PDE10A: variants seen among roughly 807,000 people sequenced by gnomAD.
PDE10A encodes the protein cAMP and cAMP-inhibited cGMP 3',5'-cyclic phosphodiesterase 10A.
A neutral mutation model predicts 97.7 loss-of-function variants in PDE10A; 39 were observed. That is an observed-to-expected ratio of 0.40 (90% CI 0.31 to 0.52). PDE10A has a LOEUF of 0.52. Ranked by LOEUF, PDE10A falls within the 20% of genes least tolerant of loss-of-function variation. The pLI is 0.56. For missense variants in PDE10A, 731 were observed against 1,047.8 expected (o/e 0.70, Z 4.17); for synonymous variants, 371 against 376.8 (o/e 0.98, Z 0.18).
intron 21 of PDE10A, among the ~76,000 whole-genome samples, chr6:165,334,133 G>A (rs374832444): frequency 6.6e-6 from 1 of 152,302 alleles, no homozygotes; most frequent in African/African-American, 2.4e-5. Context: ...TACATCATAC[G>A]CTTTTTAAGC....
At chr6:165,348,817 A>C (rs1782492646) in intron 18 of PDE10A, among the ~76,000 whole-genome samples, 1 of 152,060 alleles carries the variant, frequency 6.6e-6, no homozygotes, top group South Asian at 2.1e-4. Flanking sequence ...TTCAGTTTTC[A>C]CAGGAGCTGA....
chr6:165,755,101 T>C (rs1364511805), intron 1 of PDE10A, among the ~76,000 whole-genome samples: 1 of 152,168 alleles, frequency 6.6e-6, no homozygotes, highest in African/African-American at 2.4e-5. Context: ...TGACACACCT[T>C]CTCTGAAGAT....
In PDE10A at chr6:165,339,273, C is replaced by A; in HGVS notation, c.2976+5G>T. The A allele has an allele frequency of 1.9e-6, 3 of 1,552,090 alleles. No individual in the cohort carries two copies. Among genetic ancestry groups the A allele is most frequent in the Non-Finnish European group, 2.7e-6 (3 of 1,124,152 alleles). On this transcript the variant is annotated splice_donor_5th_base_variant and intron_variant, in intron 20 of 21. Transcript: ENST00000539869. ...GCAATTACAATTTACTTTAATAATTCATACCTGGCCTTGGGGGACTTCATC... is the reference window on the plus strand; with the variant it reads ...GCAATTACAATTTACTTTAATAATTAATACCTGGCCTTGGGGGACTTCATC...
chr6:165,574,266 A>G (rs967756117), intron 1 of PDE10A, among the ~76,000 whole-genome samples: 15 of 152,144 alleles, frequency 9.9e-5, no homozygotes, highest in African/African-American at 3.6e-4. Context: ...TTTAAAAAAA[A>G]AAAAAGCAAT....
At position 165,695,209 on chromosome 6, in the gene PDE10A, C is replaced by CAA. The variant is rs71029559; in HGVS notation, c.-614-151643_-614-151642dup. Among the ~76,000 whole-genome samples, 249 of 123,570 alleles carry CAA rather than the reference C, an allele frequency of 2.0e-3. 2 individuals are homozygous for CAA. The highest frequency in any genetic ancestry group is 0.012 in the East Asian group (54 of 4,530). The allele number at this position is 123,570 out of a possible 152,430, so 81.1% of individuals were successfully genotyped here. A position where few individuals can be genotyped will look rare whatever the true frequency, so the allele number is the denominator to read the frequency against. On this transcript the variant is annotated intron_variant, in intron 1 of 19. Transcript: ENST00000366882. ...CCCCAGTGAGCCTGGTGAAAACTAC[C>CAA]AAAAAAAAAAAAAAGAAAGAAAAGC...
intron 1 of PDE10A, among the ~76,000 whole-genome samples, chr6:165,632,268 C>T (rs1036163441): frequency 6.6e-5 from 10 of 150,882 alleles, no homozygotes; most frequent in Admixed American, 6.6e-4. Flanking sequence ...CACCACCCTT[C>T]ACCAGGAGGA....
chr6:165,409,852 A>G (rs1787591011), intron 13 of PDE10A, among the ~76,000 whole-genome samples: 1 of 151,662 alleles, frequency 6.6e-6, no homozygotes, highest in Admixed American at 6.6e-5. Flanking sequence ...TAAATAATCA[A>G]TGTAAAAATG....
intron 18 of PDE10A, among the ~76,000 whole-genome samples, chr6:165,349,056 C>A (rs1051573737): frequency 2.6e-5 from 4 of 152,184 alleles, no homozygotes; most frequent in African/African-American, 9.6e-5. Context: ...TAAATTGATA[C>A]TGCAGAGAGT....
intron 2 of PDE10A, among the ~76,000 whole-genome samples, chr6:165,502,746 G>T (rs924602807): frequency 1.3e-5 from 2 of 152,176 alleles, no homozygotes; most frequent in Non-Finnish European, 2.9e-5. Context: ...GAAAGCAGAC[G>T]CAAATGACTT....
intron 1 of PDE10A, chr6:165,948,268 G>C (rs1360188123): frequency 6.6e-6 from 1 of 152,160 alleles, no homozygotes; most frequent in African/African-American, 2.4e-5. Flanking sequence ...AGAGACCTCA[G>C]GATAGGTAGA....
chr6:165,570,524 C>T (rs1173634914), intron 1 of PDE10A, among the ~76,000 whole-genome samples: 3 of 152,274 alleles, frequency 2.0e-5, no homozygotes, highest in East Asian at 3.9e-4. Flanking sequence ...AAGAAAACAG[C>T]GTATTTCTTT....
At chr6:165,629,016 T>G (rs1485833389) in intron 1 of PDE10A, among the ~76,000 whole-genome samples, 5 of 148,324 alleles carry the variant, frequency 3.4e-5, no homozygotes, top group Non-Finnish European at 6.0e-5. Context: ...TTTTTATGGG[T>G]TTTTTTTTTA....
rs550066736 is a variant in PDE10A, at chr6:165,858,529, G to A, written c.-615+129000C>T. Among the ~76,000 whole-genome samples the A allele has an allele frequency of 7.2e-5, 11 of 152,342 alleles. No homozygotes were observed. In the East Asian group the frequency reaches 2.1e-3, roughly 29 times the overall value. ...TGACGTGAACGGTCACTGGGGGTGAGTGCTCCATCCCTCTTCCCCATCTCT... is the reference window on the plus strand; with the variant it reads ...TGACGTGAACGGTCACTGGGGGTGAATGCTCCATCCCTCTTCCCCATCTCT... On this transcript the variant is annotated intron_variant, in intron 1 of 19. Coordinates refer to the PDE10A transcript ENST00000366882.
At chr6:165,446,996 A>C (rs1270752732) in intron 5 of PDE10A, among the ~76,000 whole-genome samples, 1 of 152,210 alleles carries the variant, frequency 6.6e-6, no homozygotes, top group Non-Finnish European at 1.5e-5. Flanking sequence ...TTGATACATA[A>C]AATTACAATT....
chr6:165,928,010 A>G (rs1221818026), intron 1 of PDE10A, among the ~76,000 whole-genome samples: 1 of 150,806 alleles, frequency 6.6e-6, no homozygotes, highest in Non-Finnish European at 1.5e-5. Flanking sequence ...AATGACATAA[A>G]TTTTTAAATT....
intron 1 of PDE10A, among the ~76,000 whole-genome samples, chr6:165,726,627 G>A (rs1264452411): frequency 6.6e-6 from 1 of 152,146 alleles, no homozygotes; most frequent in African/African-American, 2.4e-5. Context: ...ACGGGCCTGG[G>A]CCCGCATCCT....
intron 1 of PDE10A, among the ~76,000 whole-genome samples, chr6:165,877,421 C>T (rs1781370318): frequency 6.6e-6 from 1 of 152,184 alleles, no homozygotes; most frequent in African/African-American, 2.4e-5. Context: ...CTGGGACAGC[C>T]ACTCTTCATG....
chr6:165,336,612 G>A (rs774479482), intron 20 of PDE10A, among the ~76,000 whole-genome samples: 26 of 93,994 alleles, frequency 2.8e-4, no homozygotes, highest in Middle Eastern at 4.6e-3. Flanking sequence ...AGCTGGGCGC[G>A]GTGGCAGGCG....
chr6:165,615,220 A>AG (rs1554296012), intron 1 of PDE10A, among the ~76,000 whole-genome samples: 9 of 148,440 alleles, frequency 6.1e-5, no homozygotes, highest in Admixed American at 2.0e-4. Flanking sequence ...AGAAAAAAAA[A>AG]AAAGAAAGAA....
Sources: allele counts gnomAD v4.1 joint callset (sites outside exome capture counted in the v4.1 genomes callset), GRCh38; gene constraint gnomAD v4.1.1; transcripts MANE v1.5; gene names NCBI Gene and HGNC (gene_info 2026-07-23, HGNC 2026-07-21).